Variants in SLC4A1 observed in about 807,000 individuals in gnomAD.
SLC4A1 encodes the protein band 3 anion transport protein.
A neutral mutation model predicts 93.1 loss-of-function variants in SLC4A1; 29 were observed. That is an observed-to-expected ratio of 0.31 (90% CI 0.23 to 0.42). SLC4A1 has a LOEUF of 0.42. Ranked by LOEUF, SLC4A1 falls within the 20% of genes least tolerant of loss-of-function variation. SLC4A1 has a pLI of 1.00. For synonymous variants in SLC4A1, 469 were observed against 497.2 expected (o/e 0.94, Z 0.76); for missense variants, 965 against 1,190.1 (o/e 0.81, Z 2.78).
intron 3 of SLC4A1, among the ~76,000 whole-genome samples, chr17:44,262,395 G>T (rs920049245): frequency 2.6e-5 from 4 of 152,230 alleles, no homozygotes; most frequent in Non-Finnish European, 4.4e-5. Flanking sequence ...TCCCAAACTG[G>T]CTGCCCGCCC....
rs1245399873 is a variant in SLC4A1, at chr17:44,257,691, G to A, written c.1399C>T (p.Pro467Ser). The change falls in exon 12 of 20, where the codon CCC becomes TCC. Residue 467 changes from proline (P) to serine (S), a missense_variant. Physicochemically the swap from Pro to Ser is moderately conservative, Grantham distance 74 (BLOSUM62 -1). Around this residue, in one of 2 missense-constraint regions of SLC4A1, gnomAD observed 770 missense variants for 1,006.6 expected, o/e 0.76. Transcript: ENST00000262418. ...AAGGCTTCCTCAAACACCAGCAGGGGTCCTGAGAAGCCGACCACAAGCAGG... is the reference window on the plus strand; with the variant it reads ...AAGGCTTCCTCAAACACCAGCAGGGATCCTGAGAAGCCGACCACAAGCAGG... ...QPLLVVGFSGPLLVFEEAFFS... is the reference protein window; with the variant it reads ...QPLLVVGFSGSLLVFEEAFFS... The A allele has an allele frequency of 6.2e-7, 1 of 1,613,776 alleles. No homozygotes were observed. The highest frequency in any genetic ancestry group is 1.7e-5 in the Admixed American group (1 of 59,992).
intron 1 of SLC4A1, among the ~76,000 whole-genome samples, chr17:44,265,840 G>T (rs980915214): frequency 2.6e-5 from 4 of 152,114 alleles, no homozygotes; most frequent in African/African-American, 9.7e-5. Flanking sequence ...AATTAGCCAG[G>T]CGTGGTGGCG....
At chr17:44,264,072 A>C (rs2047475213) in intron 1 of SLC4A1, among the ~76,000 whole-genome samples, 1 of 152,168 alleles carries the variant, frequency 6.6e-6, no homozygotes, top group African/African-American at 2.4e-5. Flanking sequence ...GCATGATTAC[A>C]GCTCACATCA....
chr17:44,250,716 G>T (rs1417324298), intron 19 of SLC4A1, among the ~76,000 whole-genome samples, 178 bp from the exon 20 acceptor site: 1 of 152,194 alleles, frequency 6.6e-6, no homozygotes, highest in African/African-American at 2.4e-5. Context: ...TTGTCAAAGT[G>T]AGAGGCAACC....
Position 44,258,635 on chromosome 17 carries a change from A to G in SLC4A1, c.877-12T>C. The G allele has an allele frequency of 6.4e-7, 1 of 1,572,140 alleles. No homozygotes were observed. Among genetic ancestry groups the G allele is most frequent in the Non-Finnish European group, 8.6e-7 (1 of 1,160,072 alleles). On this transcript the variant is annotated splice_polypyrimidine_tract_variant and intron_variant, in intron 9 of 19. Coordinates refer to ENST00000262418, the MANE Select transcript of SLC4A1 (RefSeq NM_000342.4). This position sits in a 1 kb window ranked among gnomAD's most constrained non-coding sequence, Gnocchi z 6.1. ...TCTATGCGGAACACCTAGGGGCAGG[A>G]GACAGGGTCAGAGCTGCCCGGACCT... is the stretch of plus-strand genomic sequence containing the variant.
chr17:44,255,640 GT>G lies in SLC4A1; in HGVS notation c.1800+32del, dbSNP rs747101615. On this transcript the variant is annotated intron_variant, in intron 14 of 19. Coordinates refer to ENST00000262418, the MANE Select transcript of SLC4A1 (RefSeq NM_000342.4). ...GGGCTTTGGGCTGGGATAGGGCAGT[GT>G]TGGCAAGGACAGGCGAGGAGGGTAT... The G allele has an allele frequency of 2.5e-6, 4 of 1,609,284 alleles. No homozygotes were observed. The African/African-American group carries it at 4.0e-5, about 16-fold the overall frequency.
At chr17:44,255,062 G>T in intron 15 of SLC4A1, 145 bp downstream of exon 15, 1 of 697,150 alleles carries the variant, frequency 1.4e-6, no homozygotes, top group Non-Finnish European at 2.6e-6. Flanking sequence ...AAGCACATGG[G>T]ACTCCCAGAG....
Position 44,250,115 on chromosome 17 carries a change from C to T in SLC4A1, c.*343G>A. On this transcript the variant is annotated 3_prime_UTR_variant, in exon 20 of 20. Transcript: ENST00000262418. ...ACACAGCAAGCACCCCACCCGCTCA[C>T]CCACCTCCTGCCTTTGCTTCTACCC... 2.9e-6 allele frequency: 1 copy of T among 348,260 alleles called. No homozygotes were observed. The allele number at this position is 348,260 out of a possible 1,614,324, so 21.6% of individuals were successfully genotyped here. A position where few individuals can be genotyped will look rare whatever the true frequency, so the allele number is the denominator to read the frequency against.
In SLC4A1 at chr17:44,248,849, GTTTT is replaced by G. The variant is rs57466226; in HGVS notation, c.*1605_*1608del. On this transcript the variant is annotated 3_prime_UTR_variant, in exon 20 of 20. Transcript: ENST00000262418. ...GCCCCCAAGGCTGATGTTTCCTTCCGTTTTTTTTTTTTTTTTTTTTTTTTTTTTG... is the reference window on the plus strand; with the variant it reads ...GCCCCCAAGGCTGATGTTTCCTTCCGTTTTTTTTTTTTTTTTTTTTTTTTG... 670 of 71,696 alleles carry G rather than the reference GTTTT, an allele frequency of 9.3e-3. No individual in the cohort carries two copies. The highest frequency in any genetic ancestry group is 0.013 in the Non-Finnish European group (535 of 42,484). The allele number at this position is 71,696 out of a possible 1,614,324, so 4.4% of individuals were successfully genotyped here.
chr17:44,250,555 G>C lies in SLC4A1; in HGVS notation c.2656-17C>G, dbSNP rs531269396. ...AGCATCCAGCTGGAGGGGAGGGACA[G>C]GAGAGAGACAGGGTGAGAGACCCTG... On this transcript the variant is annotated splice_polypyrimidine_tract_variant and intron_variant, in intron 19 of 19. Coordinates refer to ENST00000262418, the MANE Select transcript of SLC4A1 (RefSeq NM_000342.4). 9.8e-5 allele frequency: 158 copies of C among 1,607,942 alleles called. No homozygotes were observed. The East Asian group carries it at 3.3e-3, about 33-fold the overall frequency.
chr17:44,251,635 C>T (rs1396848956), intron 17 of SLC4A1, 47 bp from the exon 18 acceptor site: 9 of 1,603,758 alleles, frequency 5.6e-6, no homozygotes, highest in Non-Finnish European at 7.7e-6. Context: ...CGAGGCCTGG[C>T]ACCAGTGGGG....
At chr17:44,253,071 G>A (rs369100392) in intron 17 of SLC4A1, 47 bp downstream of exon 17, 25 of 1,597,554 alleles carry the variant, frequency 1.6e-5, no homozygotes, top group African/African-American at 4.0e-5. Context: ...AGGGGCCGGG[G>A]GTGAGGGGCA....
In SLC4A1 at chr17:44,255,668, C is replaced by T; in HGVS notation, c.1800+5G>A. 1 of 1,613,616 alleles carries T rather than the reference C, an allele frequency of 6.2e-7. No homozygotes were observed. The highest frequency in any genetic ancestry group is 8.5e-7 in the Non-Finnish European group (1 of 1,179,944). ...GGCAAGGACAGGCGAGGAGGGTATGCTGACCTTGCCAGGGAAATAGGAGCT... is the reference window on the plus strand; with the variant it reads ...GGCAAGGACAGGCGAGGAGGGTATGTTGACCTTGCCAGGGAAATAGGAGCT... On this transcript the variant is annotated splice_donor_5th_base_variant and intron_variant, in intron 14 of 19. Transcript: ENST00000262418.
rs1219783061 is a variant in SLC4A1 at position 44,259,255 on chromosome 17, T to C, written c.784A>G (p.Ile262Val). 6.2e-7 allele frequency: 1 copy of C among 1,613,884 alleles called. No homozygotes were observed. Among genetic ancestry groups the C allele is most frequent in the East Asian group, 2.2e-5 (1 of 44,898 alleles). The change falls in exon 9 of 20, where the codon ATA becomes GTA. Residue 262 changes from isoleucine (I) to valine (V), a missense_variant. Ile to Val is a conservative substitution (Grantham distance 29). Coordinates refer to ENST00000262418, the MANE Select transcript of SLC4A1 (RefSeq NM_000342.4). ...ELEAVELPVP[I>V]RFLFVLLGPE... is the part of the protein sequence containing the mutation. ...CCCAGCAACACAAAGAGGAAGCGTA[T>C]AGGCACCGGCAGCTCCACCGCCTCC... is the stretch of plus-strand genomic sequence containing the variant.
In SLC4A1 at chr17:44,254,481, CA is replaced by C; in HGVS notation, c.2057+14del. 6.2e-7 allele frequency: 1 copy of C among 1,602,702 alleles called. No individual in the cohort carries two copies. The highest frequency in any genetic ancestry group is 8.5e-7 in the Non-Finnish European group (1 of 1,170,920). Reference sequence around the variant, plus strand: ...CTCCCACCCTCCCAGGCCCAGCCCCCACCCTGTCTCTCACGTGGTGATCTGA... The same window carrying C: ...CTCCCACCCTCCCAGGCCCAGCCCCCCCCTGTCTCTCACGTGGTGATCTGA... On this transcript the variant is annotated intron_variant, in intron 16 of 19. Coordinates refer to ENST00000262418, the MANE Select transcript of SLC4A1 (RefSeq NM_000342.4).
intron 19 of SLC4A1, among the ~76,000 whole-genome samples, chr17:44,250,906 A>G (rs952821586): frequency 6.6e-6 from 1 of 152,136 alleles, no homozygotes; most frequent in African/African-American, 2.4e-5. Context: ...GCTCACTCAC[A>G]GCACACCCTG....
rs1203172738 is a variant in SLC4A1, at chr17:44,258,449, G to A, written c.1051C>T (p.Pro351Ser). The A allele has an allele frequency of 6.2e-7, 1 of 1,614,092 alleles. No homozygotes were observed. Among genetic ancestry groups the A allele is most frequent in the East Asian group, 2.2e-5 (1 of 44,886 alleles). ...ELLRRRYQSS[P>S]AKPDSSFYKG... Reference sequence around the variant, plus strand: ...TAGAAGCTGGAGTCTGGCTTGGCAGGGCTGGACTGATAGCGCCTTCGAAGT... The same window carrying A: ...TAGAAGCTGGAGTCTGGCTTGGCAGAGCTGGACTGATAGCGCCTTCGAAGT... The change falls in exon 10 of 20, where the codon CCT becomes TCT. Residue 351 changes from proline (P) to serine (S), a missense_variant. This residue lies in a region of SLC4A1 where 770 missense variants were observed against 1,006.6 expected (regional missense o/e 0.76). Coordinates refer to ENST00000262418, the MANE Select transcript of SLC4A1 (RefSeq NM_000342.4). This position sits in a 1 kb window ranked among gnomAD's most constrained non-coding sequence, Gnocchi z 6.1.
At chr17:44,257,601 G>GCAT in intron 12 of SLC4A1, 57 bp from the exon 13 acceptor site, 1 of 1,611,324 alleles carries the variant, frequency 6.2e-7, no homozygotes, top group Non-Finnish European at 8.5e-7. Flanking sequence ...AAGGCACCAT[G>GCAT]CATCAGGCAG....
Position 44,255,860 on chromosome 17 carries a change from C to T in SLC4A1, c.1627-14G>A. On this transcript the variant is annotated splice_polypyrimidine_tract_variant and intron_variant, in intron 13 of 19. Coordinates refer to ENST00000262418, the MANE Select transcript of SLC4A1 (RefSeq NM_000342.4). The stretch of plus-strand genomic sequence containing the variant: ...GTCCTGGAAGATCTGCAGCAGAAAA[C>T]CAAGGCATTCTGTTCTCTCCCAGCT... 1 of 1,614,050 alleles carries T rather than the reference C, an allele frequency of 6.2e-7. No homozygotes were observed. Among genetic ancestry groups the T allele is most frequent in the Non-Finnish European group, 8.5e-7 (1 of 1,179,988 alleles).
Sources: allele counts gnomAD v4.1 joint callset (sites outside exome capture counted in the v4.1 genomes callset), GRCh38; gene constraint gnomAD v4.1.1; regional missense constraint gnomAD v4.1.1; non-coding constraint Gnocchi (gnomAD v3.1); transcripts MANE v1.5; gene names NCBI Gene and HGNC (gene_info 2026-07-23, HGNC 2026-07-21).